PALB2: variants seen among roughly 807,000 people sequenced by gnomAD.
PALB2 encodes mutant partner and localizer of BRCA2.
In PALB2, 82 loss-of-function variants were observed where a neutral mutation model predicts 107.4. The ratio of observed to expected loss-of-function variants is 0.76; its 90% CI spans 0.64 to 0.92. The LOEUF (loss-of-function observed/expected upper bound fraction) is 0.92. Among genes scored for constraint, PALB2 ranks in the 40% least tolerant of loss-of-function variants. The pLI is 0.00. For missense variants in PALB2, 1,374 were observed against 1,379.9 expected (o/e 1.00, Z 0.07); for synonymous variants, 489 against 496.8 (o/e 0.98, Z 0.21).
chr16:23,611,819 T>C (rs966651124), intron 11 of PALB2, among the ~76,000 whole-genome samples: 1 of 152,130 alleles, frequency 6.6e-6, no homozygotes, highest in African/African-American at 2.4e-5. Context: ...AGTGGTGCCA[T>C]CATGGCTCAC....
intron 10 of PALB2, among the ~76,000 whole-genome samples, chr16:23,619,753 T>C (rs1029077087): frequency 6.6e-6 from 1 of 152,168 alleles, no homozygotes; most frequent in African/African-American, 2.4e-5. Context: ...TAAGTACTTT[T>C]AAAATACAAT....
chr16:23,621,632 T>G (rs1163068753), intron 9 of PALB2, among the ~76,000 whole-genome samples, 154 bp from the exon 10 acceptor site: 1 of 152,218 alleles, frequency 6.6e-6, no homozygotes, highest in Non-Finnish European at 1.5e-5. Flanking sequence ...CTTTCTACAA[T>G]GAACATATAT....
At chr16:23,627,258 C>T (rs1023318097) in intron 6 of PALB2, among the ~76,000 whole-genome samples, 2 of 151,736 alleles carry the variant, frequency 1.3e-5, no homozygotes, top group South Asian at 2.1e-4. Flanking sequence ...GAGGCCGAGG[C>T]GGGTGGATCA....
At chr16:23,625,194 G>T (rs1462604904) in intron 7 of PALB2, among the ~76,000 whole-genome samples, 1 of 152,050 alleles carries the variant, frequency 6.6e-6, no homozygotes, top group Non-Finnish European at 1.5e-5. Flanking sequence ...TTAGCTGGGC[G>T]TGGTGGTGGG....
chr16:23,635,033 C>T lies in PALB2; in HGVS notation c.1513G>A (p.Ala505Thr), dbSNP rs2142413783. The change falls in exon 4 of 13, where the codon GCC becomes ACC. Residue 505 changes from alanine to threonine, a missense_variant. Ala to Thr is a moderately conservative substitution (Grantham distance 58, BLOSUM62 0). Coordinates refer to ENST00000261584, the MANE Select transcript of PALB2 (RefSeq NM_024675.4). Reference sequence around the variant, plus strand: ...GTGTATCTTCTACCAGGTGCTTGGGCAACTGCCTTCCTAGACAAGTCATTA... The same window carrying T: ...GTGTATCTTCTACCAGGTGCTTGGGTAACTGCCTTCCTAGACAAGTCATTA... ...EDNDLSRKAV[A>T]QAPGRRYTGK... 1 of 1,614,164 alleles carries T rather than the reference C, an allele frequency of 6.2e-7. No individual in the cohort carries two copies. Among genetic ancestry groups the T allele is most frequent in the Non-Finnish European group, 8.5e-7 (1 of 1,180,022 alleles).
intron 4 of PALB2, among the ~76,000 whole-genome samples, chr16:23,633,266 G>C (rs1197107098): frequency 6.6e-6 from 1 of 152,208 alleles, no homozygotes; most frequent in Non-Finnish European, 1.5e-5. Flanking sequence ...CAATGGTACA[G>C]AGCAGCCTGC....
intron 12 of PALB2, among the ~76,000 whole-genome samples, chr16:23,604,287 C>A (rs963691167): frequency 6.6e-6 from 1 of 152,186 alleles, no homozygotes; most frequent in Non-Finnish European, 1.5e-5. Flanking sequence ...AGTCAGCTAC[C>A]TGGGTTTAAA....
intron 10 of PALB2, among the ~76,000 whole-genome samples, chr16:23,620,597 C>A (rs1210799990): frequency 1.3e-5 from 2 of 152,120 alleles, no homozygotes. Context: ...TATACTTATT[C>A]GAAGGTAGAC....
At position 23,641,173 on chromosome 16, in the gene PALB2, A is replaced by C. The variant is rs2140960520; in HGVS notation, c.-16T>G. 6.2e-7 allele frequency: 1 copy of C among 1,612,084 alleles called. No individual in the cohort carries two copies. Among genetic ancestry groups the C allele is most frequent in the Non-Finnish European group, 8.5e-7 (1 of 1,179,602 alleles). ...GCTCGTCCATCGGGCAGGCGACAGA[A>C]CGAAAAGAGCAGCCGTCGCCGACCC... On this transcript the variant is annotated 5_prime_UTR_variant, in exon 1 of 13. Transcript: ENST00000261584.
intron 6 of PALB2, among the ~76,000 whole-genome samples, chr16:23,628,197 A>G (rs1014698058): frequency 3.3e-5 from 5 of 152,220 alleles, no homozygotes; most frequent in African/African-American, 2.4e-5. Context: ...AGATTGCCCC[A>G]CTGCACTCCA....
At chr16:23,622,305 G>A (rs1966786802) in intron 9 of PALB2, among the ~76,000 whole-genome samples, 1 of 152,090 alleles carries the variant, frequency 6.6e-6, no homozygotes, top group African/African-American at 2.4e-5. Flanking sequence ...GCACCAAGAT[G>A]GTCAGTGAAG....
intron 11 of PALB2, among the ~76,000 whole-genome samples, chr16:23,611,459 TATTATTA>T (rs1422055123): frequency 6.8e-6 from 1 of 147,036 alleles, no homozygotes; most frequent in Non-Finnish European, 1.5e-5. Flanking sequence ...TTATTATTAT[TATTATTA>T]TTTTTTTTTG....
At position 23,603,209 on chromosome 16, in the gene PALB2, C is replaced by T. The variant is rs1966389579; in HGVS notation, c.*250G>A. On this transcript the variant is annotated 3_prime_UTR_variant, in exon 13 of 13. Coordinates refer to ENST00000261584, the MANE Select transcript of PALB2 (RefSeq NM_024675.4). ...ATTGCCATTTGAAGCTTTATGTACA[C>T]CTTTAAAAGCACATGTACAAATGTG... The T allele has an allele frequency of 2.1e-6, 1 of 467,536 alleles. No individual in the cohort carries two copies. Among genetic ancestry groups the T allele is most frequent in the Admixed American group, 3.6e-5 (1 of 28,140 alleles). The allele number at this position is 467,536 out of a possible 1,614,324, so 29.0% of individuals were successfully genotyped here.
chr16:23,623,896 T>C, intron 8 of PALB2, 113 bp downstream of exon 8: 1 of 745,342 alleles, frequency 1.3e-6, no homozygotes, highest in Non-Finnish European at 2.4e-6. Context: ...CTCTCTCTCT[T>C]TAGATCTTTC....
Position 23,637,923 on chromosome 16 carries a change from A to G in PALB2, c.138T>C (p.His46=). The G allele has an allele frequency of 6.2e-7, 1 of 1,614,124 alleles. No individual in the cohort carries two copies. The highest frequency in any genetic ancestry group is 8.5e-7 in the Non-Finnish European group (1 of 1,180,006). ...GTTCTTCTACTGTTTTCTTAATAGA[A>G]TGCTTAATCTTTTCAGCTCTTTGGG... ...QRAQRAEKIK[H]SIKKTVEEQD... The change falls in exon 3 of 13, where the codon CAT becomes CAC. Residue 46 remains histidine (H), a synonymous_variant. Coordinates refer to ENST00000261584, the MANE Select transcript of PALB2 (RefSeq NM_024675.4).
In PALB2 at chr16:23,626,115, A is replaced by G. The variant is rs515726093; in HGVS notation, c.2748+121T>C. The G allele has an allele frequency of 2.9e-4, 346 of 1,175,784 alleles. 1 individual carries two copies. In the African/African-American group the frequency reaches 4.2e-3, roughly 14 times the overall value. The allele number at this position is 1,175,784 out of a possible 1,614,324, so 72.8% of individuals were successfully genotyped here. On this transcript the variant is annotated intron_variant, in intron 7 of 12. Transcript: ENST00000261584. The stretch of plus-strand genomic sequence containing the variant: ...AAACTTTTCATAATAAAATGTTGGG[A>G]AAAAAACCTCATCTCTGTTCTGCCT...
At chr16:23,616,574 T>C (rs1409358861) in intron 10 of PALB2, among the ~76,000 whole-genome samples, 2 of 152,166 alleles carry the variant, frequency 1.3e-5, no homozygotes, top group Non-Finnish European at 2.9e-5. Flanking sequence ...AGGCATCTTA[T>C]TTACCTACTA....
At chr16:23,636,773 T>C (rs1967073375) in intron 3 of PALB2, among the ~76,000 whole-genome samples, 1 of 152,228 alleles carries the variant, frequency 6.6e-6, no homozygotes, top group Non-Finnish European at 1.5e-5. Flanking sequence ...ACTAGTTTTC[T>C]ATCTCATGTA....
intron 11 of PALB2, among the ~76,000 whole-genome samples, chr16:23,608,797 T>TACACACACACACACACAC (rs1310999089): frequency 0.04 from 4,405 of 111,120 alleles, 87 homozygotes; most frequent in East Asian, 0.091. Context: ...TGTGTGTATA[T>TACACACACACACACACAC]ATATACACAC....
Sources: gnomAD v4.1 joint callset for allele counts (sites outside exome capture counted in the v4.1 genomes callset) on GRCh38, gnomAD v4.1.1 for gene constraint, MANE v1.5 for transcripts, NCBI Gene and HGNC (gene_info 2026-07-23, HGNC 2026-07-21) for gene names.